Variants in FAM135A observed in about 807,000 individuals in gnomAD.
The protein encoded by FAM135A is protein FAM135A.
Under a neutral mutation model 146.8 loss-of-function variants are expected in FAM135A, and 79 were observed. The observed-to-expected ratio is 0.54, with a 90% confidence interval of 0.45 to 0.65. FAM135A has a LOEUF of 0.65. Ranked by LOEUF, FAM135A falls within the 30% of genes least tolerant of loss-of-function variation. The pLI is 0.00. For synonymous variants in FAM135A, 562 were observed against 603.6 expected (o/e 0.93, Z 1.01); for missense variants, 1,623 against 1,758.2 (o/e 0.92, Z 1.38).
At chr6:70,494,745 TC>T (rs2128227771) in intron 11 of FAM135A, among the ~76,000 whole-genome samples, 1 of 152,220 alleles carries the variant, frequency 6.6e-6, no homozygotes, top group Non-Finnish European at 1.5e-5. Flanking sequence ...GGTATCATGA[TC>T]CCTAGGGAAT....
At chr6:70,455,387 C>G in intron 5 of FAM135A, among the ~76,000 whole-genome samples, 1 of 145,838 alleles carries the variant, frequency 6.9e-6, no homozygotes, top group African/African-American at 2.6e-5. Context: ...CAAATACACA[C>G]ACACACACAC....
chr6:70,535,317 A>G (rs79926964), intron 18 of FAM135A, among the ~76,000 whole-genome samples: 3,763 of 152,212 alleles, frequency 0.025, 109 homozygotes, highest in African/African-American at 0.068. Flanking sequence ...TTGTAAAATA[A>G]CAGTAAGTAA....
At chr6:70,513,791 G>T (rs1321771648) in intron 12 of FAM135A, among the ~76,000 whole-genome samples, 1 of 151,808 alleles carries the variant, frequency 6.6e-6, no homozygotes, top group African/African-American at 2.4e-5. Context: ...ATTTAACCTT[G>T]GACTGACAGT....
chr6:70,540,726 T>G (rs558940722), intron 20 of FAM135A, among the ~76,000 whole-genome samples: 2 of 152,324 alleles, frequency 1.3e-5, no homozygotes, highest in South Asian at 4.1e-4. Context: ...TTTCATGTAT[T>G]ACTCTTTGTT....
intron 12 of FAM135A, among the ~76,000 whole-genome samples, chr6:70,514,821 A>C (rs73485126): frequency 6.6e-6 from 1 of 152,104 alleles, no homozygotes; most frequent in South Asian, 2.1e-4. Context: ...GAGCCCTCCC[A>C]GTTTCTTTCA....
intron 5 of FAM135A, among the ~76,000 whole-genome samples, chr6:70,473,611 T>C (rs1782034409): frequency 6.6e-6 from 1 of 152,152 alleles, no homozygotes; most frequent in Non-Finnish European, 1.5e-5. Context: ...CCCTTATATG[T>C]GCCAATCTCC....
chr6:70,507,388 T>G (rs1275439195), intron 12 of FAM135A, among the ~76,000 whole-genome samples: 1 of 152,156 alleles, frequency 6.6e-6, no homozygotes, highest in African/African-American at 2.4e-5. Flanking sequence ...GGTCATTCAG[T>G]GTTTGTACAG....
chr6:70,499,727 C>T (rs1440492481), intron 11 of FAM135A, among the ~76,000 whole-genome samples: 1 of 152,178 alleles, frequency 6.6e-6, no homozygotes, highest in Non-Finnish European at 1.5e-5. Context: ...ATTTCTCCTT[C>T]ACTTATGAAG....
chr6:70,509,342 T>G (rs759265285), intron 12 of FAM135A, among the ~76,000 whole-genome samples: 2 of 152,194 alleles, frequency 1.3e-5, no homozygotes, highest in Non-Finnish European at 2.9e-5. Context: ...CCTCTTTTAT[T>G]CTTTGACTAA....
chr6:70,500,084 G>T (rs1283744624), intron 11 of FAM135A, among the ~76,000 whole-genome samples: 1 of 152,120 alleles, frequency 6.6e-6, no homozygotes, highest in Non-Finnish European at 1.5e-5. Context: ...TTCCATTTTG[G>T]TTCCATTCTC....
chr6:70,469,981 ACT>A (rs147478258), intron 5 of FAM135A, among the ~76,000 whole-genome samples: 3,757 of 151,980 alleles, frequency 0.025, 109 homozygotes, highest in African/African-American at 0.068. Context: ...ACAGAGTAAG[ACT>A]CTGTCTCAAA....
intron 5 of FAM135A, among the ~76,000 whole-genome samples, chr6:70,468,218 G>T (rs542580133): frequency 2.6e-4 from 39 of 152,254 alleles, no homozygotes; most frequent in Non-Finnish European, 5.7e-4. Flanking sequence ...AACATTTTAT[G>T]AGCAGAGACA....
chr6:70,419,874 C>T (rs112818362), intron 2 of FAM135A, among the ~76,000 whole-genome samples: 25 of 152,168 alleles, frequency 1.6e-4, no homozygotes, highest in African/African-American at 4.8e-4. Flanking sequence ...GTGAAGAAAT[C>T]GAATTTTTTC....
intron 11 of FAM135A, among the ~76,000 whole-genome samples, chr6:70,495,571 CAT>C (rs1249484450): frequency 6.6e-6 from 1 of 152,126 alleles, no homozygotes; most frequent in Non-Finnish European, 1.5e-5. Context: ...GTAACAGTAT[CAT>C]ATGTGATAAG....
chr6:70,555,994 C>T (rs1416843998), intron 20 of FAM135A, among the ~76,000 whole-genome samples: 1 of 152,068 alleles, frequency 6.6e-6, no homozygotes, highest in Non-Finnish European at 1.5e-5. Flanking sequence ...TGGTTCATTC[C>T]TGTAATCCCA....
At chr6:70,547,821 T>A (rs1451174183) in intron 20 of FAM135A, among the ~76,000 whole-genome samples, 2 of 152,208 alleles carry the variant, frequency 1.3e-5, no homozygotes, top group Non-Finnish European at 2.9e-5. Context: ...ATCTTTTTCT[T>A]GGTAAAAAGT....
rs368613441 is a variant in FAM135A, at chr6:70,526,701, A to G, written c.3614+3A>G. ...TCACCAAAACCTCAAATACAAGCGT[A>G]AGTAATGGAACGTAATAGTACCTGC... On this transcript the variant is annotated splice_donor_region_variant and intron_variant, in intron 15 of 21. Transcript: ENST00000418814. 3.3e-5 allele frequency: 52 copies of G among 1,585,988 alleles called. No homozygotes were observed. The highest frequency in any genetic ancestry group is 4.3e-5 in the Non-Finnish European group (50 of 1,168,072).
At chr6:70,423,833 C>T (rs1026872518) in intron 2 of FAM135A, among the ~76,000 whole-genome samples, 1 of 152,134 alleles carries the variant, frequency 6.6e-6, no homozygotes, top group African/African-American at 2.4e-5. Flanking sequence ...TAGTACCATC[C>T]ATTAGTTGCA....
chr6:70,454,632 C>T (rs891915710), intron 5 of FAM135A, among the ~76,000 whole-genome samples: 38 of 152,232 alleles, frequency 2.5e-4, no homozygotes, highest in Middle Eastern at 3.4e-3. Context: ...ATATGGCTAG[C>T]CAGTTTTCCC....
Sources: gnomAD v4.1 joint callset for allele counts (sites outside exome capture counted in the v4.1 genomes callset) on GRCh38, gnomAD v4.1.1 for gene constraint, MANE v1.5 for transcripts, NCBI Gene and HGNC (gene_info 2026-07-23, HGNC 2026-07-21) for gene names.